GOLM2: variants seen among roughly 807,000 people sequenced by gnomAD.
The protein encoded by GOLM2 is golgi membrane protein 2.
GOLM2 carries 26 observed loss-of-function variants against 55.9 expected under a neutral mutation model. The observed-to-expected ratio is 0.47, with a 90% CI of 0.34 to 0.65. The LOEUF is 0.65. Among genes scored for constraint, GOLM2 ranks in the 30% least tolerant of loss-of-function variants. The pLI, the probability that GOLM2 is intolerant of heterozygous loss-of-function variation, is 0.01. For missense variants in GOLM2, 486 were observed against 531.8 expected (o/e 0.91, Z 0.85); for synonymous variants, 165 against 194.6 (o/e 0.85, Z 1.27).
intron 9 of GOLM2, among the ~76,000 whole-genome samples, chr15:44,411,120 C>G (rs939461461): frequency 6.8e-6 from 1 of 147,570 alleles, no homozygotes; most frequent in Admixed American, 6.9e-5. Context: ...CTCCCAGGCT[C>G]AAGCAATCCT....
chr15:44,333,099 A>G (rs977295989), intron 4 of GOLM2, among the ~76,000 whole-genome samples: 8 of 151,946 alleles, frequency 5.3e-5, no homozygotes, highest in African/African-American at 1.7e-4. Context: ...CGCCCGGCTA[A>G]TTTTTTGTAT....
chr15:44,370,735 A>G (rs1046053298), intron 6 of GOLM2, among the ~76,000 whole-genome samples: 1 of 152,094 alleles, frequency 6.6e-6, no homozygotes, highest in African/African-American at 2.4e-5. Flanking sequence ...ATTGTAGCTC[A>G]CTGAAGCATC....
intron 6 of GOLM2, among the ~76,000 whole-genome samples, chr15:44,376,298 G>A (rs1008799491): frequency 1.3e-5 from 2 of 152,108 alleles, no homozygotes; most frequent in African/African-American, 4.8e-5. Context: ...TTTTAAGACA[G>A]TGTTTCCCTC....
chr15:44,383,158 A>G (rs2079416302), intron 8 of GOLM2, among the ~76,000 whole-genome samples: 1 of 151,416 alleles, frequency 6.6e-6, no homozygotes, highest in Non-Finnish European at 1.5e-5. Context: ...ATATACATAT[A>G]TTCTATTGTG....
At chr15:44,402,315 T>A (rs1035035068) in intron 8 of GOLM2, among the ~76,000 whole-genome samples, 1 of 152,046 alleles carries the variant, frequency 6.6e-6, no homozygotes, top group African/African-American at 2.4e-5. Context: ...TTCTTTGTCA[T>A]CCCTTTTTGG....
chr15:44,300,166 G>A (rs1595613785), intron 1 of GOLM2, among the ~76,000 whole-genome samples: 1 of 134,912 alleles, frequency 7.4e-6, no homozygotes, highest in African/African-American at 2.9e-5. Flanking sequence ...GGAAAGAGAA[G>A]GAAGGAAGGA....
chr15:44,289,300 C>T lies in GOLM2; in HGVS notation c.271C>T (p.Leu91Phe). The T allele has an allele frequency of 1.9e-6, 3 of 1,613,692 alleles. No homozygotes were observed. Among genetic ancestry groups the T allele is most frequent in the Non-Finnish European group, 2.5e-6 (3 of 1,179,884 alleles). ...IDQKEADYGRLSSRLQAREGL... is the reference protein window; with the variant it reads ...IDQKEADYGRFSSRLQAREGL... ...CCAGAAGGAGGCCGACTACGGCCGC[C>T]TCAGCAGCCGGCTGCAGGCCAGAGA... Residue 91 changes from leucine to phenylalanine, a missense_variant, in exon 1 of 10, where the codon CTC becomes TTC. Coordinates refer to ENST00000299957, the MANE Select transcript of GOLM2 (RefSeq NM_138423.4). This position sits in a 1 kb window ranked among gnomAD's most constrained non-coding sequence, Gnocchi z 4.8.
At chr15:44,340,170 G>C (rs1174601699) in intron 6 of GOLM2, among the ~76,000 whole-genome samples, 3 of 151,984 alleles carry the variant, frequency 2.0e-5, no homozygotes, top group Non-Finnish European at 4.4e-5. Context: ...TGTTGCCCAG[G>C]CTGATCTCAA....
intron 9 of GOLM2, among the ~76,000 whole-genome samples, chr15:44,403,738 G>A (rs1309667708): frequency 6.6e-6 from 1 of 151,934 alleles, no homozygotes; most frequent in African/African-American, 2.4e-5. Context: ...GTTATTTCAG[G>A]TACAAATATT....
intron 3 of GOLM2, among the ~76,000 whole-genome samples, chr15:44,330,152 C>T (rs2079012516): frequency 6.8e-6 from 1 of 146,460 alleles, no homozygotes; most frequent in Non-Finnish European, 1.5e-5. Flanking sequence ...CCTCGTGATC[C>T]ACCCGCCTCG....
chr15:44,392,938 A>G (rs1159880538), intron 8 of GOLM2, among the ~76,000 whole-genome samples: 1 of 152,200 alleles, frequency 6.6e-6, no homozygotes, highest in Non-Finnish European at 1.5e-5. Flanking sequence ...AAATTTAATG[A>G]TTAATTCTCA....
intron 9 of GOLM2, among the ~76,000 whole-genome samples, chr15:44,413,129 T>C (rs566571836): frequency 6.6e-6 from 1 of 152,346 alleles, no homozygotes; most frequent in African/African-American, 2.4e-5. Context: ...GTCTATTTTC[T>C]AAAGATTTGT....
intron 6 of GOLM2, among the ~76,000 whole-genome samples, chr15:44,370,655 T>C (rs1349557455): frequency 1.3e-5 from 2 of 152,124 alleles, no homozygotes; most frequent in African/African-American, 4.8e-5. Flanking sequence ...GTTATTTCCT[T>C]TATTTTTTAT....
chr15:44,337,946 A>G, intron 5 of GOLM2, 39 bp downstream of exon 5: 3 of 1,532,864 alleles, frequency 2.0e-6, no homozygotes, highest in Non-Finnish European at 1.8e-6. Flanking sequence ...TATTAATAGG[A>G]TATTGACTTT....
rs1036152950 is a variant in GOLM2 at position 44,288,815 on chromosome 15, C to G, written c.-215C>G. The G allele has an allele frequency of 1.7e-6, 1 of 573,308 alleles. No individual in the cohort carries two copies. Among genetic ancestry groups the G allele is most frequent in the African/African-American group, 1.9e-5 (1 of 51,320 alleles). 35.5% of individuals were successfully genotyped at this position (573,308 alleles called of 1,614,324 possible). On this transcript the variant is annotated 5_prime_UTR_variant, in exon 1 of 10. Coordinates refer to ENST00000299957, the MANE Select transcript of GOLM2 (RefSeq NM_138423.4). Reference sequence around the variant, plus strand: ...GGTGCAGGGTCGGGTTCAAAGCCTCCGGAACGCGTTTTGGCCTGATTTGAG... The same window carrying G: ...GGTGCAGGGTCGGGTTCAAAGCCTCGGGAACGCGTTTTGGCCTGATTTGAG...
chr15:44,324,952 C>T (rs1013601097), intron 2 of GOLM2, among the ~76,000 whole-genome samples: 26 of 152,088 alleles, frequency 1.7e-4, no homozygotes, highest in African/African-American at 4.8e-4. Flanking sequence ...GGAGCAGCCA[C>T]GCTAGACAGA....
chr15:44,307,669 C>T (rs2078848326), intron 1 of GOLM2: 1 of 152,072 alleles, frequency 6.6e-6, no homozygotes, highest in Non-Finnish European at 1.5e-5. Context: ...GTAAGATTCC[C>T]GTTCTTTGAA....
At chr15:44,340,198 A>G (rs1235639812) in intron 6 of GOLM2, among the ~76,000 whole-genome samples, 1 of 151,454 alleles carries the variant, frequency 6.6e-6, no homozygotes, top group Non-Finnish European at 1.5e-5. Flanking sequence ...GGCTTACGTG[A>G]TCCTCCCAAA....
intron 6 of GOLM2, among the ~76,000 whole-genome samples, chr15:44,347,847 T>G (rs1329287894): frequency 6.6e-6 from 1 of 152,154 alleles, no homozygotes; most frequent in Non-Finnish European, 1.5e-5. Flanking sequence ...GAGGACTTCA[T>G]TTTGCAACTT....
Sources: gnomAD v4.1 joint callset for allele counts (sites outside exome capture counted in the v4.1 genomes callset) on GRCh38, gnomAD v4.1.1 for gene constraint, Gnocchi (gnomAD v3.1) non-coding constraint, MANE v1.5 for transcripts, NCBI Gene and HGNC (gene_info 2026-07-23, HGNC 2026-07-21) for gene names.